ANO2: variants seen among roughly 807,000 people sequenced by gnomAD.
ANO2 encodes the protein anoctamin-2.
In ANO2, 101 loss-of-function variants were observed where a neutral mutation model predicts 124.2. That is an observed-to-expected ratio of 0.81 (90% confidence interval 0.69 to 0.96). The LOEUF is 0.96. ANO2 is among the 40% of genes least tolerant of loss of function. ANO2 has a pLI of 0.00. For synonymous variants in ANO2, 486 were observed against 482.5 expected (o/e 1.01, Z -0.09); for missense variants, 1,293 against 1,274.5 (o/e 1.01, Z -0.22).
intron 3 of ANO2, among the ~76,000 whole-genome samples, chr12:5,868,025 T>C (rs1447994209): frequency 6.6e-6 from 1 of 152,120 alleles, no homozygotes; most frequent in East Asian, 1.9e-4. Context: ...CAGTCAATAA[T>C]AATTTAATTG....
At chr12:5,741,732 A>C (rs779213317) in intron 12 of ANO2, among the ~76,000 whole-genome samples, 2 of 152,206 alleles carry the variant, frequency 1.3e-5, no homozygotes, top group Non-Finnish European at 2.9e-5. Flanking sequence ...ATGCACACTC[A>C]ATCACATGTC....
At chr12:5,732,457 A>G in intron 14 of ANO2, 63 bp downstream of exon 14, 1 of 1,461,704 alleles carries the variant, frequency 6.8e-7, no homozygotes. Context: ...GGCGTGCCAA[A>G]CAAAATGACA....
Position 5,724,497 on chromosome 12 carries a change from A to T in ANO2, c.1545+8023T>A, listed in dbSNP as rs567775492. 2.6e-5 allele frequency among the ~76,000 whole-genome samples: 4 copies of T among 152,286 alleles called. No homozygotes were observed. The South Asian group carries it at 8.3e-4, about 32-fold the overall frequency. The stretch of plus-strand genomic sequence containing the variant: ...GGGACTCCCTTCTCCACCCACGCGC[A>T]TGCTCCAACAATGTCCCAGCTTCCT... On this transcript the variant is annotated intron_variant, in intron 14 of 24. Transcript: ENST00000682330.
At chr12:5,688,483 C>A (rs1485989064) in intron 14 of ANO2, among the ~76,000 whole-genome samples, 2 of 152,164 alleles carry the variant, frequency 1.3e-5, no homozygotes, top group East Asian at 1.9e-4. Flanking sequence ...CCAGCTGTCT[C>A]CAAACAAAGG....
chr12:5,629,632 G>T (rs1487327655), intron 16 of ANO2, among the ~76,000 whole-genome samples: 1 of 152,108 alleles, frequency 6.6e-6, no homozygotes, highest in East Asian at 1.9e-4. Flanking sequence ...TTTCTCTACA[G>T]CCACCACCTG....
At chr12:5,759,648 A>G (rs996941205) in intron 10 of ANO2, among the ~76,000 whole-genome samples, 1 of 149,892 alleles carries the variant, frequency 6.7e-6, no homozygotes, top group African/African-American at 2.5e-5. Flanking sequence ...CTAATGCCTG[A>G]TGATCTGAGG....
chr12:5,647,891 A>G (rs1475875302), intron 14 of ANO2, 90 bp from the exon 15 acceptor site: 1 of 932,538 alleles, frequency 1.1e-6, no homozygotes, highest in East Asian at 2.6e-5. Context: ...CATGCGATTG[A>G]TCATTATCAC....
intron 14 of ANO2, among the ~76,000 whole-genome samples, chr12:5,697,528 C>A (rs553948554): frequency 2.0e-5 from 3 of 152,316 alleles, no homozygotes; most frequent in Admixed American, 2.0e-4. Context: ...CCAGCATGAG[C>A]GATGCAGAAG....
At chr12:5,881,042 G>A (rs953182626) in intron 3 of ANO2, among the ~76,000 whole-genome samples, 35 of 152,176 alleles carry the variant, frequency 2.3e-4, no homozygotes, top group African/African-American at 8.0e-4. Context: ...TCCAGAACCA[G>A]AGCAATGGAC....
At chr12:5,644,928 G>C (rs779064212) in intron 15 of ANO2, among the ~76,000 whole-genome samples, 4 of 152,154 alleles carry the variant, frequency 2.6e-5, no homozygotes, top group Non-Finnish European at 5.9e-5. Context: ...TCAGTTGTAA[G>C]TCCAGGTGTC....
chr12:5,786,292 AG>A (rs1952537508), intron 10 of ANO2, among the ~76,000 whole-genome samples: 1 of 152,132 alleles, frequency 6.6e-6, no homozygotes. Flanking sequence ...CTTCATTTTT[AG>A]GTGAGGAAGG....
intron 3 of ANO2, among the ~76,000 whole-genome samples, chr12:5,891,058 T>C (rs1248760952): frequency 6.6e-6 from 1 of 152,200 alleles, no homozygotes; most frequent in African/African-American, 2.4e-5. Context: ...CCTGATAGAC[T>C]GTGTAGAGAT....
At chr12:5,897,622 A>G (rs1353234012) in intron 3 of ANO2, among the ~76,000 whole-genome samples, 1 of 152,222 alleles carries the variant, frequency 6.6e-6, no homozygotes, top group Non-Finnish European at 1.5e-5. Flanking sequence ...CCTGGCTTCA[A>G]TAATCCAGCA....
At chr12:5,828,797 G>C (rs1954065961) in intron 6 of ANO2, among the ~76,000 whole-genome samples, 2 of 152,206 alleles carry the variant, frequency 1.3e-5, no homozygotes, top group Admixed American at 6.5e-5. Context: ...TGAGTTCCCA[G>C]CCTATGCCAG....
Position 5,922,610 on chromosome 12 carries a change from C to CCCTAA in ANO2, c.207+9_207+10insTTAGG. On this transcript the variant is annotated intron_variant, in intron 2 of 24. Transcript: ENST00000682330. ...CCTATCCCCCCACCCCACCCCCGCC[C>CCCTAA]AGTACTCACAGAGCTGCTGCGGGTG... is the stretch of plus-strand genomic sequence containing the variant. The CCCTAA allele has an allele frequency of 9.8e-6, 15 of 1,524,986 alleles. No individual in the cohort carries two copies. The highest frequency in any genetic ancestry group is 2.5e-5 in the East Asian group (1 of 40,436). The allele number at this position is 1,524,986 out of a possible 1,614,324, so 94.5% of individuals were successfully genotyped here.
Position 5,807,323 on chromosome 12 carries a change from G to A in ANO2, c.938C>T (p.Pro313Leu). 6.4e-7 allele frequency: 1 copy of A among 1,554,478 alleles called. No individual in the cohort carries two copies. Among genetic ancestry groups the A allele is most frequent in the Non-Finnish European group, 8.7e-7 (1 of 1,148,704 alleles). The change falls in exon 8 of 25, where the codon CCT (proline) becomes CTT (leucine). Residue 313 changes from proline (P) to leucine (L), a missense_variant. By Grantham distance (98) the Pro-to-Leu change is moderately conservative. Transcript: ENST00000682330. The stretch of plus-strand genomic sequence containing the variant: ...GAAAATAGTACTTACGTCATGAAGA[G>A]GGTAGGCAGCCTCATAGATATTGTT... ...IANNIYEAAYPLHDGEYDSPE... is the reference protein window; with the variant it reads ...IANNIYEAAYLLHDGEYDSPE...
intron 20 of ANO2, among the ~76,000 whole-genome samples, 194 bp downstream of exon 20, chr12:5,599,290 C>T (rs1943813417): frequency 6.6e-6 from 1 of 152,198 alleles, no homozygotes; most frequent in Non-Finnish European, 1.5e-5. Flanking sequence ...CCAGGTTCTC[C>T]TCCCAGGTCT....
chr12:5,746,965 G>A (rs1426285584), intron 11 of ANO2, among the ~76,000 whole-genome samples: 2 of 152,172 alleles, frequency 1.3e-5, no homozygotes, highest in Non-Finnish European at 1.5e-5. Flanking sequence ...TATCATGCAC[G>A]CATGGAAGTA....
At chr12:5,813,982 C>T (rs1004283955) in intron 7 of ANO2, among the ~76,000 whole-genome samples, 1 of 152,192 alleles carries the variant, frequency 6.6e-6, no homozygotes, top group Admixed American at 6.5e-5. Context: ...GCCTTGCCAG[C>T]TGTGTGCCTA....
Sources: allele counts gnomAD v4.1 joint callset (sites outside exome capture counted in the v4.1 genomes callset), GRCh38; gene constraint gnomAD v4.1.1; transcripts MANE v1.5; gene names NCBI Gene and HGNC (gene_info 2026-07-23, HGNC 2026-07-21).